FREM2: variants seen among roughly 807,000 people sequenced by gnomAD.
FREM2 encodes FRAS1-related extracellular matrix protein 2.
A neutral mutation model predicts 219.9 loss-of-function variants in FREM2; 119 were observed. That is an observed-to-expected ratio of 0.54 (90% CI 0.47 to 0.63). The LOEUF is 0.63. Among genes scored for constraint, FREM2 ranks in the 30% least tolerant of loss-of-function variants. The pLI, the probability that FREM2 is intolerant of heterozygous loss-of-function variation, is 0.00. For missense variants in FREM2, 4,030 were observed against 3,993.6 expected (o/e 1.01, Z -0.25); for synonymous variants, 1,562 against 1,522.8 (o/e 1.03, Z -0.60).
At chr13:38,744,561 G>A (rs1000733003) in intron 2 of FREM2, among the ~76,000 whole-genome samples, 3 of 151,372 alleles carry the variant, frequency 2.0e-5, no homozygotes, top group Non-Finnish European at 2.9e-5. Context: ...GCGTGATCTC[G>A]GCTCACTGCA....
intron 3 of FREM2, among the ~76,000 whole-genome samples, chr13:38,767,436 G>A (rs1307302654): frequency 6.6e-6 from 1 of 152,154 alleles, no homozygotes; most frequent in Admixed American, 6.5e-5. Flanking sequence ...GGACTAGTTG[G>A]AACTAGCAGA....
chr13:38,848,563 C>T lies in FREM2; in HGVS notation c.6272C>T (p.Ala2091Val), dbSNP rs374178459. ...ATTCTGGATGACCTTGGACAACCAG[C>T]GCTGGAGGGAATTGAGAAATTTGAA... Reference protein sequence around the residue: ...VVILDDLGQPALEGIEKFELV... With the variant: ...VVILDDLGQPVLEGIEKFELV... The change falls in exon 8 of 24, where the codon GCG (alanine) becomes GTG (valine). Residue 2091 changes from alanine (A) to valine (V), a missense_variant. Transcript: ENST00000280481. 4.8e-5 allele frequency: 77 copies of T among 1,613,996 alleles called. No homozygotes were observed. The highest frequency in any genetic ancestry group is 1.4e-4 in the South Asian group (13 of 91,074).
chr13:38,719,623 G>A (rs1362059895), intron 2 of FREM2, among the ~76,000 whole-genome samples: 1 of 152,130 alleles, frequency 6.6e-6, no homozygotes, highest in Non-Finnish European at 1.5e-5. Flanking sequence ...GACAATCTAG[G>A]ATAATCTCTT....
At chr13:38,802,680 G>T (rs1049615712) in intron 6 of FREM2, among the ~76,000 whole-genome samples, 1 of 152,202 alleles carries the variant, frequency 6.6e-6, no homozygotes, top group Non-Finnish European at 1.5e-5. Context: ...ACAGTCCTTT[G>T]GGGGTTTGAT....
At position 38,876,286 on chromosome 13, in the gene FREM2, G is replaced by C; in HGVS notation, c.8448G>C (p.Val2816=). The C allele has an allele frequency of 6.2e-7, 1 of 1,614,032 alleles. No individual in the cohort carries two copies. The change falls in exon 20 of 24, where the codon GTG becomes GTC. Residue 2816 remains valine (V), a synonymous_variant. Coordinates refer to ENST00000280481, the MANE Select transcript of FREM2 (RefSeq NM_207361.6). ...DYSGTYTVKL[V]PCTAPSHQEY... ...CAGGGACCTATACTGTGAAGCTGGT[G>C]CCATGCACTGCCCCATCACATCAGG...
rs200818466 is a variant in FREM2 at position 38,789,732 on chromosome 13, ATC to A, written c.6019+4926_6019+4927del. Among the ~76,000 whole-genome samples the A allele has an allele frequency of 8.8e-3, 1,330 of 151,046 alleles. 23 individuals are homozygous for A. The highest frequency in any genetic ancestry group is 0.031 in the African/African-American group (1,270 of 41,434). On this transcript the variant is annotated intron_variant, in intron 6 of 23. Coordinates refer to ENST00000280481, the MANE Select transcript of FREM2 (RefSeq NM_207361.6). ...ATAACTATATTTGCATTTTGAGAAG[ATC>A]TGTGTGGAGTTTTTTTATATTTATC...
chr13:38,754,524 C>A (rs1872903534), intron 2 of FREM2, among the ~76,000 whole-genome samples: 1 of 152,048 alleles, frequency 6.6e-6, no homozygotes, highest in African/African-American at 2.4e-5. Flanking sequence ...CATACTACAC[C>A]CCTTGGAATG....
chr13:38,691,364 T>C lies in FREM2; in HGVS notation c.4020T>C (p.Val1340=). ...TDLDSEDKSL[V]YIIRYGPGHG... ...TAGATTCAGAAGACAAATCTTTGGT[T>C]TATATTATTCGTTATGGGCCAGGAC... is the stretch of plus-strand genomic sequence containing the variant. Residue 1340 remains valine, a synonymous_variant, in exon 1 of 24, where the codon GTT becomes GTC. Transcript: ENST00000280481. The C allele has an allele frequency of 6.2e-7, 1 of 1,613,976 alleles. No individual in the cohort carries two copies. The highest frequency in any genetic ancestry group is 1.3e-5 in the African/African-American group (1 of 75,012).
At chr13:38,869,789 A>G (rs1352644856) in intron 16 of FREM2, among the ~76,000 whole-genome samples, 1 of 152,226 alleles carries the variant, frequency 6.6e-6, no homozygotes, top group Admixed American at 6.5e-5. Flanking sequence ...CAAAATGGTT[A>G]TTAAAGTTAA....
chr13:38,825,237 G>A (rs1876235221), intron 6 of FREM2, among the ~76,000 whole-genome samples: 1 of 152,092 alleles, frequency 6.6e-6, no homozygotes, highest in Non-Finnish European at 1.5e-5. Flanking sequence ...AACAAGGGCT[G>A]TGTCTTTATC....
chr13:38,865,232 T>C (rs1877919440), intron 16 of FREM2, among the ~76,000 whole-genome samples: 1 of 152,148 alleles, frequency 6.6e-6, no homozygotes, highest in African/African-American at 2.4e-5. Flanking sequence ...TTCTTCTTCA[T>C]ACTACACATT....
chr13:38,748,711 C>A (rs566913111), intron 2 of FREM2, among the ~76,000 whole-genome samples: 7 of 152,188 alleles, frequency 4.6e-5, no homozygotes, highest in Non-Finnish European at 1.0e-4. Flanking sequence ...GCTTATTTTT[C>A]CCTTAGTTAA....
At chr13:38,764,595 A>G in intron 3 of FREM2, 145 bp downstream of exon 3, 1 of 595,586 alleles carries the variant, frequency 1.7e-6, no homozygotes, top group Admixed American at 3.2e-5. Context: ...GAAACAAGCA[A>G]CAGGTTTGTG....
At chr13:38,826,032 A>C (rs4943605) in intron 6 of FREM2, among the ~76,000 whole-genome samples, 88,262 of 152,000 alleles carry the variant, frequency 0.58, 29,187 homozygotes, top group Non-Finnish European at 0.71. Context: ...TTACTCTTTA[A>C]ACACAAACCA....
chr13:38,717,113 G>T (rs1429404428), intron 2 of FREM2, among the ~76,000 whole-genome samples: 2 of 152,152 alleles, frequency 1.3e-5, no homozygotes, highest in Non-Finnish European at 2.9e-5. Context: ...GTCACTAGAA[G>T]TATTCAAGTC....
In FREM2 at chr13:38,848,428, C is replaced by A. The variant is rs748182806; in HGVS notation, c.6170-33C>A. The A allele has an allele frequency of 1.9e-5, 27 of 1,452,808 alleles. No individual in the cohort carries two copies. In the South Asian group the frequency reaches 2.7e-4, roughly 15 times the overall value. The allele number at this position is 1,452,808 out of a possible 1,614,324, so 90.0% of individuals were successfully genotyped here. ...TATAATTTTTTGAAATTTAATTAGTCCCCAACTGAATATTTTTTTGTTACT... is the reference window on the plus strand; with the variant it reads ...TATAATTTTTTGAAATTTAATTAGTACCCAACTGAATATTTTTTTGTTACT... On this transcript the variant is annotated intron_variant, in intron 7 of 23. Transcript: ENST00000280481.
In FREM2 at chr13:38,880,695, A is replaced by G. The variant is rs199853872; in HGVS notation, c.9418A>G (p.Ser3140Gly). 2.3e-4 allele frequency: 374 copies of G among 1,614,078 alleles called. No homozygotes were observed. The highest frequency in any genetic ancestry group is 3.0e-4 in the Non-Finnish European group (353 of 1,180,030). ...IAVLMCRGKE[S>G]FRGKDAPKGS... Reference sequence around the variant, plus strand: ...AGTGCTGATGTGCAGGGGCAAGGAAAGTTTCAGGGGGAAGGATGCCCCGAA... The same window carrying G: ...AGTGCTGATGTGCAGGGGCAAGGAAGGTTTCAGGGGGAAGGATGCCCCGAA... Residue 3140 changes from serine to glycine, a missense_variant, in exon 24 of 24, where the codon AGT becomes GGT. By Grantham distance (56) the Ser-to-Gly change is moderately conservative. Around this residue, in one of 2 missense-constraint regions of FREM2, gnomAD observed 928 missense variants for 1,042.9 expected, o/e 0.89. Transcript: ENST00000280481.
intron 3 of FREM2, among the ~76,000 whole-genome samples, chr13:38,765,359 A>AT (rs1011126901): frequency 2.0e-5 from 3 of 152,202 alleles, no homozygotes; most frequent in African/African-American, 7.2e-5. Context: ...GGTACCATAT[A>AT]TTTTATAGAC....
intron 12 of FREM2, among the ~76,000 whole-genome samples, chr13:38,857,521 G>A (rs997959072): frequency 3.9e-5 from 6 of 152,052 alleles, no homozygotes; most frequent in African/African-American, 1.2e-4. Context: ...TCAAAGAATT[G>A]ACTCCTTCAT....
Sources: gnomAD v4.1 joint callset for allele counts (sites outside exome capture counted in the v4.1 genomes callset) on GRCh38, gnomAD v4.1.1 for gene constraint, gnomAD v4.1.1 regional missense constraint, MANE v1.5 for transcripts, NCBI Gene and HGNC (gene_info 2026-07-23, HGNC 2026-07-21) for gene names.